SPEG: variants seen among roughly 807,000 people sequenced by gnomAD.
The protein encoded by SPEG is striated muscle preferentially expressed protein kinase.
A neutral mutation model predicts 300.4 loss-of-function variants in SPEG; 114 were observed. The observed-to-expected ratio is 0.38, with a 90% CI of 0.33 to 0.44. The LOEUF is 0.44. SPEG is among the 20% of genes least tolerant of loss of function. The probability of loss-of-function intolerance (pLI) is 1.00; values close to 1 mark genes in which losing one functional copy is unlikely to be tolerated. For synonymous variants in SPEG, 1,964 were observed against 2,018.9 expected (o/e 0.97, Z 0.73); for missense variants, 4,201 against 4,586.2 (o/e 0.92, Z 2.43).
At chr2:219,463,483 G>A (rs1430159661) in intron 8 of SPEG, among the ~76,000 whole-genome samples, 1 of 132,618 alleles carries the variant, frequency 7.5e-6, no homozygotes, top group Non-Finnish European at 1.5e-5. Context: ...GTGCGATCTG[G>A]GCTCACTGCA....
intron 18 of SPEG, 99 bp downstream of exon 18, chr2:219,474,002 C>A: frequency 7.8e-7 from 1 of 1,274,784 alleles, no homozygotes; most frequent in East Asian, 2.5e-5. Flanking sequence ...GCTGCAGATC[C>A]AAACCCATGT....
At chr2:219,463,191 AT>A (rs1241523713) in intron 8 of SPEG, among the ~76,000 whole-genome samples, 2 of 151,896 alleles carry the variant, frequency 1.3e-5, no homozygotes, top group Non-Finnish European at 2.9e-5. Context: ...CCTGGACAAT[AT>A]AGCAAGACCC....
Position 219,444,668 on chromosome 2 carries a change from A to G in SPEG, c.404A>G (p.Glu135Gly). ...TCTTCTCCAGACTCAGAGACGGCTG[A>G]GGATGACATCAGCGATGTGCAGGGA... ...VLEVGDSETA[E>G]DDISDVQGTQ... Residue 135 changes from glutamate to glycine, a missense_variant, in exon 2 of 41, where the codon GAG becomes GGG. Physicochemically the swap from Glu to Gly is moderately conservative, Grantham distance 98. Coordinates refer to ENST00000312358, the MANE Select transcript of SPEG (RefSeq NM_005876.5). This position sits in a 1 kb window ranked among gnomAD's most constrained non-coding sequence, Gnocchi z 7.8. The G allele has an allele frequency of 1.2e-6, 2 of 1,614,018 alleles. No individual in the cohort carries two copies. The highest frequency in any genetic ancestry group is 1.7e-6 in the Non-Finnish European group (2 of 1,179,910).
At position 219,461,608 on chromosome 2, in the gene SPEG, T is replaced by C. The variant is rs1045212349; in HGVS notation, c.2441-274T>C. On this transcript the variant is annotated intron_variant, in intron 6 of 40. Transcript: ENST00000312358. ...CCAGGCCCAGGAGTGGCCCCTCTGC[T>C]GCCCGAACCCTTTGCCCCAGGCCTT... is the stretch of plus-strand genomic sequence containing the variant. The C allele has an allele frequency of 3.8e-6, 4 of 1,050,260 alleles. No homozygotes were observed. In the African/African-American group the frequency reaches 5.0e-5, roughly 13 times the overall value. The allele number at this position is 1,050,260 out of a possible 1,614,324, so 65.1% of individuals were successfully genotyped here. A position where few individuals can be genotyped will look rare whatever the true frequency, so the allele number is the denominator to read the frequency against.
In SPEG at chr2:219,468,601, C is replaced by G; in HGVS notation, c.3166C>G (p.Leu1056Val). ...AGATGAGCTGACCTGCAGTGCCCGG[C>G]TGACCGTGCGGCCCTCGTTGGCACC... is the stretch of plus-strand genomic sequence containing the variant. Reference protein sequence around the residue: ...AKDELTCSARLTVRPSLAPLF... With the variant: ...AKDELTCSARVTVRPSLAPLF... Residue 1056 changes from leucine to valine, a missense_variant, in exon 11 of 41, where the codon CTG becomes GTG. Leu to Val is a conservative substitution (Grantham distance 32, BLOSUM62 1). Around this residue, in one of 4 missense-constraint regions of SPEG, gnomAD observed 1,047 missense variants for 1,356.8 expected, o/e 0.77. Coordinates refer to ENST00000312358, the MANE Select transcript of SPEG (RefSeq NM_005876.5). 1 of 1,613,320 alleles carries G rather than the reference C, an allele frequency of 6.2e-7. No individual in the cohort carries two copies. The highest frequency in any genetic ancestry group is 2.2e-5 in the East Asian group (1 of 44,880).
Position 219,483,146 on chromosome 2 carries a change from G to C in SPEG, c.5683G>C (p.Glu1895Gln). The C allele has an allele frequency of 1.2e-6, 2 of 1,609,096 alleles. No individual in the cohort carries two copies. Among genetic ancestry groups the C allele is most frequent in the Non-Finnish European group, 1.7e-6 (2 of 1,179,434 alleles). ...KCHLVLRPIP[E>Q]LLRAPPERVW... ...CCACCTGGTGCTGCGCCCCATCCCC[G>C]AGCTGCTGCGGGCCCCCCCAGAGCG... The change falls in exon 30 of 41, where the codon GAG (glutamate) becomes CAG (glutamine). Residue 1895 changes from glutamate to glutamine, a missense_variant. Glu to Gln is a conservative substitution (Grantham distance 29). Coordinates refer to ENST00000312358, the MANE Select transcript of SPEG (RefSeq NM_005876.5).
rs931971532 is a variant in SPEG at position 219,481,160 on chromosome 2, G to A, written c.5370-144G>A. On this transcript the variant is annotated intron_variant, in intron 26 of 40. Coordinates refer to ENST00000312358, the MANE Select transcript of SPEG (RefSeq NM_005876.5). The surrounding 1 kb of genome is among the most constrained non-coding windows in gnomAD (Gnocchi z 5.4). ...GAGGGGACAGGGCAGGAGAGAGTCCGCAGCCTCACCTCTTACCCACATTTG... is the reference window on the plus strand; with the variant it reads ...GAGGGGACAGGGCAGGAGAGAGTCCACAGCCTCACCTCTTACCCACATTTG... The A allele has an allele frequency of 1.5e-4, 128 of 861,392 alleles. No individual in the cohort carries two copies. The highest frequency in any genetic ancestry group is 2.1e-4 in the Non-Finnish European group (116 of 550,468). The allele number at this position is 861,392 out of a possible 1,614,324, so 53.4% of individuals were successfully genotyped here. A position where few individuals can be genotyped will look rare whatever the true frequency, so the allele number is the denominator to read the frequency against.
In SPEG at chr2:219,443,403, C is replaced by G; in HGVS notation, c.389-1250C>G. 1.8e-6 allele frequency: 1 copy of G among 549,354 alleles called. No individual in the cohort carries two copies. 34.0% of individuals were successfully genotyped at this position (549,354 alleles called of 1,614,324 possible). On this transcript the variant is annotated intron_variant, in intron 1 of 40. Transcript: ENST00000312358. This position sits in a 1 kb window ranked among gnomAD's most constrained non-coding sequence, Gnocchi z 4.6. The stretch of plus-strand genomic sequence containing the variant: ...GGGTGCCCTGTTCTCCATGTGAGGC[C>G]TAATGGGAAGGAGTTCATTGCCATG...
chr2:219,477,044 G>A lies in SPEG; in HGVS notation c.4560+62G>A. The A allele has an allele frequency of 6.9e-7, 1 of 1,451,386 alleles. No individual in the cohort carries two copies. Among genetic ancestry groups the A allele is most frequent in the Non-Finnish European group, 9.5e-7 (1 of 1,057,072 alleles). The allele number at this position is 1,451,386 out of a possible 1,614,324, so 89.9% of individuals were successfully genotyped here. The stretch of plus-strand genomic sequence containing the variant: ...GGAGGGGCTCCCTGGGGGCGTGGGA[G>A]GGTCCTGGAAGGCCTTAGGAGGGCG... On this transcript the variant is annotated intron_variant, in intron 19 of 40. Coordinates refer to ENST00000312358, the MANE Select transcript of SPEG (RefSeq NM_005876.5). The surrounding 1 kb of genome is among the most constrained non-coding windows in gnomAD (Gnocchi z 6.4).
In SPEG at chr2:219,443,137, C is replaced by T. The variant is rs1294723351; in HGVS notation, c.389-1516C>T. 2.5e-6 allele frequency: 4 copies of T among 1,612,674 alleles called. No individual in the cohort carries two copies. The highest frequency in any genetic ancestry group is 3.3e-5 in the Admixed American group (2 of 59,996). ...CCGGCCATTCCCGCCGGGCCTTTGG[C>T]CGACTCACCCATGGTGCGTGGACCG... On this transcript the variant is annotated intron_variant, in intron 1 of 40. Coordinates refer to ENST00000312358, the MANE Select transcript of SPEG (RefSeq NM_005876.5). This position sits in a 1 kb window ranked among gnomAD's most constrained non-coding sequence, Gnocchi z 4.6.
Position 219,479,920 on chromosome 2 carries a change from C to A in SPEG, c.5164-42C>A. On this transcript the variant is annotated intron_variant, in intron 24 of 40. Transcript: ENST00000312358. The surrounding 1 kb of genome is among the most constrained non-coding windows in gnomAD (Gnocchi z 5.5). ...GGGAGCCAGGAGGTGAAGCATCCTTCCTTGTTCATTTGGCCCGCACACCTC... is the reference window on the plus strand; with the variant it reads ...GGGAGCCAGGAGGTGAAGCATCCTTACTTGTTCATTTGGCCCGCACACCTC... 6.2e-7 allele frequency: 1 copy of A among 1,614,110 alleles called. No homozygotes were observed. Among genetic ancestry groups the A allele is most frequent in the East Asian group, 2.2e-5 (1 of 44,896 alleles).
intron 1 of SPEG, 138 bp downstream of exon 1, chr2:219,435,503 C>A (rs371867665): frequency 8.9e-6 from 9 of 1,012,402 alleles, no homozygotes; most frequent in Middle Eastern, 3.3e-4. Flanking sequence ...CTCGGCTGCC[C>A]GGCCCCAGAA....
chr2:219,481,462 T>A lies in SPEG; in HGVS notation c.5522+6T>A, dbSNP rs764915925. On this transcript the variant is annotated splice_donor_region_variant and intron_variant, in intron 27 of 40. Transcript: ENST00000312358. The surrounding 1 kb of genome is among the most constrained non-coding windows in gnomAD (Gnocchi z 5.4). ...GTGTTGGTGCAGGACCGGCTGTGAGTACAAGGCCCTGGGAGCCCCCACCTG... is the reference window on the plus strand; with the variant it reads ...GTGTTGGTGCAGGACCGGCTGTGAGAACAAGGCCCTGGGAGCCCCCACCTG... 6.2e-7 allele frequency: 1 copy of A among 1,613,648 alleles called. No homozygotes were observed. The highest frequency in any genetic ancestry group is 1.1e-5 in the South Asian group (1 of 91,056).
chr2:219,440,561 TTTTATTTATTTATTTATTTA>T (rs10606358), intron 1 of SPEG, among the ~76,000 whole-genome samples: 4,418 of 143,652 alleles, frequency 0.031, 150 homozygotes, highest in African/African-American at 0.083. Context: ...ATTTATTTTA[TTTTATTTATTTATTTATTTA>T]TTTATTTATT....
chr2:219,477,182 G>C lies in SPEG; in HGVS notation c.4561-95G>C. On this transcript the variant is annotated intron_variant, in intron 19 of 40. Transcript: ENST00000312358. The surrounding 1 kb of genome is among the most constrained non-coding windows in gnomAD (Gnocchi z 6.4). ...AGGGAGGAGCTGACTCTGGGTCCTGGTGAGAGATGCGCTGCCCAGAGTAGG... is the reference window on the plus strand; with the variant it reads ...AGGGAGGAGCTGACTCTGGGTCCTGCTGAGAGATGCGCTGCCCAGAGTAGG... The C allele has an allele frequency of 2.1e-6, 1 of 483,722 alleles. No homozygotes were observed. The highest frequency in any genetic ancestry group is 3.4e-6 in the Non-Finnish European group (1 of 294,944). 30.0% of individuals were successfully genotyped at this position (483,722 alleles called of 1,614,324 possible).
chr2:219,485,270 T>C (rs1693287303), intron 30 of SPEG, 76 bp from the exon 31 acceptor site: 2 of 1,544,254 alleles, frequency 1.3e-6, no homozygotes, highest in African/African-American at 2.8e-5. Flanking sequence ...TCTGGTTCTC[T>C]GGGCTGAGGG....
chr2:219,442,268 C>T (rs1477660339), intron 1 of SPEG, among the ~76,000 whole-genome samples: 1 of 151,820 alleles, frequency 6.6e-6, no homozygotes, highest in Non-Finnish European at 1.5e-5. Flanking sequence ...GTGTCCTGAG[C>T]GCGCAGGCCC....
intron 40 of SPEG, 42 bp downstream of exon 40, chr2:219,492,302 C>T: frequency 6.3e-7 from 1 of 1,590,916 alleles, no homozygotes; most frequent in African/African-American, 1.3e-5. Context: ...TGTTACCTGC[C>T]CCTGGCCTGG....
chr2:219,434,939 C>T lies in SPEG; in HGVS notation c.-39C>T. ...CGTCCCGCGGGTGCCCCCGTGGCCG[C>T]CCAGTTCCGGCGTCCCCCCAGCCCA... On this transcript the variant is annotated 5_prime_UTR_variant, in exon 1 of 41. Coordinates refer to ENST00000312358, the MANE Select transcript of SPEG (RefSeq NM_005876.5). 3 of 1,458,310 alleles carry T rather than the reference C, an allele frequency of 2.1e-6. No homozygotes were observed. The highest frequency in any genetic ancestry group is 2.7e-6 in the Non-Finnish European group (3 of 1,114,504). The allele number at this position is 1,458,310 out of a possible 1,614,324, so 90.3% of individuals were successfully genotyped here. A position where few individuals can be genotyped will look rare whatever the true frequency, so the allele number is the denominator to read the frequency against.
Sources: allele counts gnomAD v4.1 joint callset (sites outside exome capture counted in the v4.1 genomes callset), GRCh38; gene constraint gnomAD v4.1.1; regional missense constraint gnomAD v4.1.1; non-coding constraint Gnocchi (gnomAD v3.1); transcripts MANE v1.5; gene names NCBI Gene and HGNC (gene_info 2026-07-23, HGNC 2026-07-21).